The following FRMD1 variants were observed in gnomAD, a reference collection of about 807,000 sequenced individuals.
FRMD1 encodes FERM domain-containing protein 1.
A neutral mutation model predicts 54.9 loss-of-function variants in FRMD1; 51 were observed. The ratio of observed to expected loss-of-function variants is 0.93; its 90% CI spans 0.74 to 1.17. The LOEUF (loss-of-function observed/expected upper bound fraction) is 1.17. Ranked by LOEUF, FRMD1 falls within the 50% of genes most tolerant of loss-of-function variation. FRMD1 has a pLI of 0.00. For missense variants in FRMD1, 729 were observed against 743.0 expected (o/e 0.98, Z 0.22); for synonymous variants, 324 against 306.4 (o/e 1.06, Z -0.60).
At chr6:168,076,485 G>A (rs551353251) in intron 1 of FRMD1, among the ~76,000 whole-genome samples, 3 of 152,312 alleles carry the variant, frequency 2.0e-5, no homozygotes, top group South Asian at 4.2e-4. Flanking sequence ...CACGGGGGTG[G>A]TTCCCCCATC....
chr6:168,067,381 T>A lies in FRMD1; in HGVS notation c.370A>T (p.Lys124Ter). The stretch of plus-strand genomic sequence containing the variant: ...TCTACACTTACTTCATTTCTTTCTT[T>A]CTTCCAATCTTTTGAGAAGTACTTG... ...LSKYFSKDWKKERNEGNEKPR... is the reference protein window; with the variant it reads ...LSKYFSKDWK Residue 124 changes from lysine (K) to a stop codon, truncating the protein, a stop_gained, in exon 3 of 11, where the codon AAA becomes TAA. Transcript: ENST00000283309. LOFTEE classifies it high-confidence loss of function. 6.2e-7 allele frequency: 1 copy of A among 1,601,404 alleles called. No individual in the cohort carries two copies. The highest frequency in any genetic ancestry group is 2.2e-5 in the East Asian group (1 of 44,776).
At position 168,061,077 on chromosome 6, in the gene FRMD1, C is replaced by T. The variant is rs766227390; in HGVS notation, c.1046-20G>A. 2.5e-6 allele frequency: 4 copies of T among 1,594,646 alleles called. No individual in the cohort carries two copies. The highest frequency in any genetic ancestry group is 2.2e-5 in the East Asian group (1 of 44,484). On this transcript the variant is annotated intron_variant, in intron 8 of 10. Coordinates refer to ENST00000283309, the MANE Select transcript of FRMD1 (RefSeq NM_024919.6). ...GCTTCTCTGTGGGGAGTGGGGAGCA[C>T]AGTGAGGGCGAGCTGGAGAGGGACC... is the stretch of plus-strand genomic sequence containing the variant.
Position 168,077,760 on chromosome 6 carries a change from T to C in FRMD1, c.213+1122A>G, listed in dbSNP as rs948146958. ...AAGTTCCGTGCAAGAAACCTAAAAG[T>C]TCCAGCTCTTATGGGGTAGGGGGCC... On this transcript the variant is annotated intron_variant, in intron 1 of 10. Coordinates refer to ENST00000283309, the MANE Select transcript of FRMD1 (RefSeq NM_024919.6). Among the ~76,000 whole-genome samples, 9 of 152,206 alleles carry C rather than the reference T, an allele frequency of 5.9e-5. No individual in the cohort carries two copies. In the South Asian group the frequency reaches 8.3e-4, roughly 14 times the overall value.
At chr6:168,082,396 G>A (rs574595384), upstream of FRMD1, among the ~76,000 whole-genome samples, 2 of 152,080 alleles carry the variant, frequency 1.3e-5, no homozygotes, top group Admixed American at 6.5e-5. Flanking sequence ...TCGGCCACCC[G>A]ACCCCTCCTG....
At chr6:168,087,076 T>A (rs966436126) in intron 1 of FRMD1, among the ~76,000 whole-genome samples, 2 of 152,136 alleles carry the variant, frequency 1.3e-5, no homozygotes. Flanking sequence ...TTCACTTTTT[T>A]TTTTTTCTTC....
rs765036020 is a variant in FRMD1, at chr6:168,065,014, G to A, written c.505C>T (p.Arg169Cys). Residue 169 changes from arginine (R) to cysteine (C), a missense_variant, in exon 5 of 11, where the codon CGC (arginine) becomes TGC (cysteine). By Grantham distance (180) the Arg-to-Cys change is radical. Transcript: ENST00000283309. Reference protein sequence around the residue: ...RHLYYCHLKERVLRSQCAHRE... With the variant: ...RHLYYCHLKECVLRSQCAHRE... Reference sequence around the variant, plus strand: ...TGAGCGCACTGTGACCTCAGCACGCGCTCCTTCAAGTGGCAGTAGTACAGG... The same window carrying A: ...TGAGCGCACTGTGACCTCAGCACGCACTCCTTCAAGTGGCAGTAGTACAGG... 38 of 1,611,034 alleles carry A rather than the reference G, an allele frequency of 2.4e-5. No individual in the cohort carries two copies. Among genetic ancestry groups the A allele is most frequent in the African/African-American group, 2.3e-4 (17 of 74,932 alleles).
chr6:168,067,607 A>G (rs1050836799), intron 2 of FRMD1, 161 bp from the exon 3 acceptor site: 10 of 580,666 alleles, frequency 1.7e-5, no homozygotes, highest in African/African-American at 1.5e-4. Context: ...CTGACAACGC[A>G]GAAAGCATCT....
Position 168,055,473 on chromosome 6 carries a change from A to G in FRMD1, c.*1624T>C, listed in dbSNP as rs545965798. 2.0e-5 allele frequency: 3 copies of G among 152,182 alleles called. No individual in the cohort carries two copies. Among genetic ancestry groups the G allele is most frequent in the Non-Finnish European group, 4.4e-5 (3 of 68,048 alleles). 9.4% of individuals were successfully genotyped at this position (152,182 alleles called of 1,614,324 possible). Reference sequence around the variant, plus strand: ...ACACCACCTGCTGTGTCTCCCCAACACTGGTGTGTACCTTCCCTCATGGTC... The same window carrying G: ...ACACCACCTGCTGTGTCTCCCCAACGCTGGTGTGTACCTTCCCTCATGGTC... On this transcript the variant is annotated 3_prime_UTR_variant, in exon 11 of 11. Transcript: ENST00000283309.
chr6:168,060,351 G>A (rs1799656214), intron 9 of FRMD1, among the ~76,000 whole-genome samples: 1 of 113,034 alleles, frequency 8.8e-6, no homozygotes, highest in Non-Finnish European at 1.8e-5. Context: ...CCTTGGGAGG[G>A]GGGTTCTTCC....
intron 3 of FRMD1, 60 bp downstream of exon 3, chr6:168,067,307 C>G (rs529700015): frequency 9.0e-7 from 1 of 1,108,702 alleles, no homozygotes. Context: ...CACGTGTCCC[C>G]GTGGCCCAGC....
At chr6:168,074,878 G>A (rs918738693) in intron 2 of FRMD1, among the ~76,000 whole-genome samples, 3 of 99,726 alleles carry the variant, frequency 3.0e-5, no homozygotes, top group Non-Finnish European at 6.5e-5. Flanking sequence ...GTACATGTCA[G>A]TGGTGCGTAA....
intron 6 of FRMD1, 87 bp downstream of exon 6, chr6:168,063,514 G>T: frequency 7.1e-7 from 1 of 1,409,738 alleles, no homozygotes; most frequent in Non-Finnish European, 9.3e-7. Context: ...CTGCCCTGGG[G>T]TCCTGATCCC....
intron 2 of FRMD1, 29 bp downstream of exon 2, chr6:168,075,216 C>G (rs1410816926): frequency 1.2e-6 from 2 of 1,600,592 alleles, no homozygotes; most frequent in Admixed American, 1.7e-5. Context: ...CCTGGGCATT[C>G]CTGCAGGTGG....
At chr6:168,086,823 G>C (rs189213407) in intron 1 of FRMD1, among the ~76,000 whole-genome samples, 1 of 152,218 alleles carries the variant, frequency 6.6e-6, no homozygotes, top group Non-Finnish European at 1.5e-5. Context: ...TGTGGGGGCC[G>C]GGGTGAAGCC....
At chr6:168,081,829 G>C (rs1177145240), upstream of FRMD1, 1 of 344,874 alleles carries the variant, frequency 2.9e-6, no homozygotes, top group Non-Finnish European at 5.2e-6. Context: ...GGGGTGGTCG[G>C]ATGGCAGTGA....
intron 7 of FRMD1, chr6:168,062,636 G>A (rs1434396565): frequency 6.5e-7 from 1 of 1,542,710 alleles, no homozygotes; most frequent in Admixed American, 2.0e-5. Context: ...ATCTGCCCAG[G>A]CTTTCCAGGG....
upstream of FRMD1, chr6:168,081,382 G>C (rs760048200): frequency 3.9e-6 from 6 of 1,535,160 alleles, no homozygotes; most frequent in South Asian, 7.1e-5. Flanking sequence ...TGTTCGTGAT[G>C]GAAGAGGCTG....
chr6:168,076,360 G>A (rs1800593178), intron 1 of FRMD1, among the ~76,000 whole-genome samples: 2 of 152,228 alleles, frequency 1.3e-5, no homozygotes, highest in Admixed American at 6.5e-5. Context: ...GTTACTGTAA[G>A]ACTGACTTCC....
At chr6:168,080,106 C>T (rs1332479894), upstream of FRMD1, among the ~76,000 whole-genome samples, 8 of 152,120 alleles carry the variant, frequency 5.3e-5, no homozygotes, top group East Asian at 1.9e-4. Flanking sequence ...GACCTCCGGA[C>T]GGGCCGTTGT....
Sources: gnomAD v4.1 joint callset for allele counts (sites outside exome capture counted in the v4.1 genomes callset) on GRCh38, gnomAD v4.1.1 for gene constraint, MANE v1.5 for transcripts, NCBI Gene and HGNC (gene_info 2026-07-23, HGNC 2026-07-21) for gene names.